TIAM2: variants seen among roughly 807,000 people sequenced by gnomAD.
TIAM2 encodes TIAM Rac1 associated GEF 2.
A neutral mutation model predicts 152.9 loss-of-function variants in TIAM2; 80 were observed. The ratio of observed to expected loss-of-function variants is 0.52; its 90% CI spans 0.44 to 0.63. The LOEUF is 0.63. Ranked by LOEUF, TIAM2 falls within the 30% of genes least tolerant of loss-of-function variation. The pLI, the probability that TIAM2 is intolerant of heterozygous loss-of-function variation, is 0.00. For synonymous variants in TIAM2, 804 were observed against 838.0 expected, an observed-to-expected ratio of 0.96 and a Z score of 0.70; for missense variants, 1,965 against 2,120.1, an observed-to-expected ratio of 0.93 and a Z score of 1.44.
intron 1 of TIAM2, among the ~76,000 whole-genome samples, chr6:155,087,681 G>A (rs960219569): frequency 1.3e-5 from 2 of 151,948 alleles, no homozygotes; most frequent in African/African-American, 2.4e-5. Flanking sequence ...CTCGGGAGGC[G>A]GAGGTTGCAG....
chr6:155,111,783 A>G (rs1778857446), intron 2 of TIAM2, among the ~76,000 whole-genome samples: 1 of 152,184 alleles, frequency 6.6e-6, no homozygotes, highest in African/African-American at 2.4e-5. Flanking sequence ...AGATACACAC[A>G]TAGACAATAA....
At chr6:155,024,671 A>G (rs1334664905) in intron 1 of TIAM2, among the ~76,000 whole-genome samples, 3 of 148,926 alleles carry the variant, frequency 2.0e-5, no homozygotes, top group Non-Finnish European at 4.5e-5. Context: ...AAAAAAAGCA[A>G]TTACTATGTT....
intron 23 of TIAM2, among the ~76,000 whole-genome samples, chr6:155,252,230 C>A (rs1783705940): frequency 6.6e-6 from 1 of 152,180 alleles, no homozygotes. Flanking sequence ...TGCCTGTAAT[C>A]TCAGCACTTT....
intron 1 of TIAM2, among the ~76,000 whole-genome samples, chr6:155,052,258 G>C (rs1360946185): frequency 1.3e-5 from 2 of 151,988 alleles, no homozygotes; most frequent in Non-Finnish European, 2.9e-5. Flanking sequence ...AAACCACCAA[G>C]GAGTTATCTA....
At chr6:155,161,735 TG>T (rs1389993015) in intron 7 of TIAM2, among the ~76,000 whole-genome samples, 1 of 101,956 alleles carries the variant, frequency 9.8e-6, no homozygotes, top group South Asian at 3.4e-4. Flanking sequence ...ACCTGGCTAA[TG>T]TTTTTTTTTT....
At chr6:155,019,545 G>A (rs1776422305) in intron 1 of TIAM2, among the ~76,000 whole-genome samples, 1 of 152,196 alleles carries the variant, frequency 6.6e-6, no homozygotes, top group Non-Finnish European at 1.5e-5. Flanking sequence ...AATAGTGGGG[G>A]TGGGCTGCTT....
At chr6:155,251,097 C>A in intron 22 of TIAM2, 76 bp downstream of exon 22, 2 of 1,251,392 alleles carry the variant, frequency 1.6e-6, no homozygotes, top group Non-Finnish European at 2.3e-6. Context: ...CCGCACCAGT[C>A]CAGCTCACTC....
chr6:155,032,136 C>T (rs9480015), intron 1 of TIAM2, among the ~76,000 whole-genome samples: 31,407 of 151,938 alleles, frequency 0.21, 3,452 homozygotes, highest in Middle Eastern at 0.27. Context: ...AAATTATGTT[C>T]AGATTGAACA....
intron 1 of TIAM2, among the ~76,000 whole-genome samples, chr6:155,040,845 G>GA (rs773583123): frequency 4.1e-4 from 63 of 151,918 alleles, no homozygotes; most frequent in Non-Finnish European, 7.5e-4. Context: ...GTTTTGGTAG[G>GA]AAAAAACAGA....
rs557152978 is a variant in TIAM2 at position 155,183,397 on chromosome 6, C to T, written c.2961C>T (p.Asp987=). Residue 987 remains aspartate (D), a synonymous_variant, in exon 14 of 27, where the codon GAC becomes GAT. Transcript: ENST00000682666. ...CAACCCTGTGTACATCCTGGTCAGA[C>T]AGTGACCTGTTCTCCAGGGACCAGA... The part of the protein sequence containing the change: ...TKATLCTSWS[D]SDLFSRDQKS... 1.9e-6 allele frequency: 3 copies of T among 1,614,164 alleles called. No homozygotes were observed. Among genetic ancestry groups the T allele is most frequent in the East Asian group, 2.2e-5 (1 of 44,884 alleles).
chr6:155,041,813 G>T (rs575195832), intron 1 of TIAM2, among the ~76,000 whole-genome samples: 88 of 152,286 alleles, frequency 5.8e-4, no homozygotes, highest in Non-Finnish European at 9.7e-4. Context: ...TTGCCAGTGC[G>T]ATGTAGACCC....
chr6:155,012,675 C>T (rs533863258), intron 1 of TIAM2, among the ~76,000 whole-genome samples: 64 of 152,294 alleles, frequency 4.2e-4, no homozygotes, highest in Non-Finnish European at 7.6e-4. Flanking sequence ...ATCAGCCTCC[C>T]GAGTAGCTGG....
Position 155,165,194 on chromosome 6 carries a change from C to T in TIAM2, c.2215-69C>T. On this transcript the variant is annotated intron_variant, in intron 8 of 26. Coordinates refer to ENST00000682666, the MANE Select transcript of TIAM2 (RefSeq NM_012454.4). ...ATGCATTTATAGCAAGCAGAGCTCA[C>T]TTCCTTCATTTTTTCTGCCACTCAA... 6.1e-6 allele frequency: 9 copies of T among 1,485,444 alleles called. No homozygotes were observed. The South Asian group carries it at 1.2e-4, about 20-fold the overall frequency. The allele number at this position is 1,485,444 out of a possible 1,614,324, so 92.0% of individuals were successfully genotyped here.
chr6:154,998,344 T>C (rs2475861), intron 1 of TIAM2, among the ~76,000 whole-genome samples: 34,858 of 152,142 alleles, frequency 0.23, 4,394 homozygotes, highest in East Asian at 0.38. Flanking sequence ...TAAAGTGAGA[T>C]GTCACAGAAT....
At chr6:155,043,352 G>C (rs556522331) in intron 1 of TIAM2, among the ~76,000 whole-genome samples, 1 of 152,114 alleles carries the variant, frequency 6.6e-6, no homozygotes, top group Non-Finnish European at 1.5e-5. Flanking sequence ...AGAGGGGCCA[G>C]GTGCAGTGGC....
At chr6:155,098,872 T>C (rs1282330872) in intron 2 of TIAM2, among the ~76,000 whole-genome samples, 2 of 152,162 alleles carry the variant, frequency 1.3e-5, no homozygotes, top group African/African-American at 2.4e-5. Flanking sequence ...GCTTGTTATG[T>C]AAGTAACACT....
At chr6:155,210,195 C>G (rs758510235) in intron 14 of TIAM2, among the ~76,000 whole-genome samples, 2 of 151,700 alleles carry the variant, frequency 1.3e-5, no homozygotes, top group Non-Finnish European at 2.9e-5. Flanking sequence ...ACTATGTGTT[C>G]TACTTATTTC....
intron 15 of TIAM2, among the ~76,000 whole-genome samples, chr6:155,219,462 C>T (rs939451653): frequency 2.3e-4 from 35 of 152,198 alleles, no homozygotes; most frequent in East Asian, 9.7e-4. Context: ...CAGAGTTGGG[C>T]GGAGTGTGGC....
intron 7 of TIAM2, among the ~76,000 whole-genome samples, chr6:155,158,454 G>A (rs769879573): frequency 1.6e-4 from 25 of 152,156 alleles, no homozygotes; most frequent in Admixed American, 4.6e-4. Context: ...GAAAGATAAT[G>A]AAAACCTTCT....
Sources: gnomAD v4.1 joint callset for allele counts (sites outside exome capture counted in the v4.1 genomes callset) on GRCh38, gnomAD v4.1.1 for gene constraint, MANE v1.5 for transcripts, NCBI Gene and HGNC (gene_info 2026-07-23, HGNC 2026-07-21) for gene names.